PPIL4: variants seen among roughly 807,000 people sequenced by gnomAD.
PPIL4 encodes the protein peptidyl-prolyl cis-trans isomerase-like 4.
A neutral mutation model predicts 69.1 loss-of-function variants in PPIL4; 50 were observed. The ratio of observed to expected loss-of-function variants is 0.72; its 90% CI spans 0.58 to 0.92. The LOEUF (loss-of-function observed/expected upper bound fraction) is 0.92. PPIL4 is among the 40% of genes least tolerant of loss of function. The pLI is 0.00. For missense variants in PPIL4, 480 were observed against 587.9 expected (o/e 0.82, Z 1.90); for synonymous variants, 193 against 191.6 (o/e 1.01, Z -0.06).
At chr6:149,525,558 T>C (rs1777093870) in intron 8 of PPIL4, among the ~76,000 whole-genome samples, 1 of 152,218 alleles carries the variant, frequency 6.6e-6, no homozygotes, top group South Asian at 2.1e-4. Flanking sequence ...TATAGTCGAA[T>C]TATAGAATAT....
At chr6:149,525,299 C>A in intron 8 of PPIL4, 90 bp from the exon 9 acceptor site, 1 of 651,398 alleles carries the variant, frequency 1.5e-6, no homozygotes, top group South Asian at 2.0e-5. Flanking sequence ...AGAAATAAGT[C>A]AGTTACTACA....
intron 12 of PPIL4, among the ~76,000 whole-genome samples, chr6:149,511,410 T>C (rs1776839771): frequency 6.6e-6 from 1 of 151,570 alleles, no homozygotes; most frequent in Admixed American, 6.6e-5. Context: ...TGTGTGTGTG[T>C]GTGTGTGTGT....
rs1776758730 is a variant in PPIL4, at chr6:149,505,610, C to T, written c.1322G>A (p.Arg441Gln). 1.9e-6 allele frequency: 3 copies of T among 1,614,148 alleles called. No individual in the cohort carries two copies. Among genetic ancestry groups the T allele is most frequent in the South Asian group, 2.2e-5 (2 of 91,080 alleles). Reference protein sequence around the residue: ...KSEKRDRTQNRSRSRSRERDG... With the variant: ...KSEKRDRTQNQSRSRSRERDG... ...CCTCTCTCGAGATCGGCTACGACTTCGGTTCTGAGTTCGGTCTCTCTTTTC... is the reference window on the plus strand; with the variant it reads ...CCTCTCTCGAGATCGGCTACGACTTTGGTTCTGAGTTCGGTCTCTCTTTTC... Residue 441 changes from arginine to glutamine, a missense_variant, in exon 13 of 13, where the codon CGA becomes CAA. Arg to Gln is a conservative substitution (Grantham distance 43, BLOSUM62 1). Transcript: ENST00000253329.
At chr6:149,516,237 TG>T (rs1776941991) in intron 11 of PPIL4, among the ~76,000 whole-genome samples, 1 of 152,242 alleles carries the variant, frequency 6.6e-6, no homozygotes, top group Non-Finnish European at 1.5e-5. Flanking sequence ...TTCAATCATA[TG>T]CCCTTGAATG....
In PPIL4 at chr6:149,505,248, AAAATT is replaced by A. The variant is rs1776750776; in HGVS notation, c.*200_*204del. On this transcript the variant is annotated 3_prime_UTR_variant, in exon 13 of 13. Coordinates refer to ENST00000253329, the MANE Select transcript of PPIL4 (RefSeq NM_139126.4). Reference sequence around the variant, plus strand: ...AAGACTACCATTTATGTATAACAATAAAATTAGTGTAAAAAAGTATACAAAGAAAA... The same window carrying A: ...AAGACTACCATTTATGTATAACAATAAGTGTAAAAAAGTATACAAAGAAAA... 9 of 470,080 alleles carry A rather than the reference AAAATT, an allele frequency of 1.9e-5. No homozygotes were observed. Among genetic ancestry groups the A allele is most frequent in the Middle Eastern group, 5.8e-4 (1 of 1,712 alleles). The allele number at this position is 470,080 out of a possible 1,614,324, so 29.1% of individuals were successfully genotyped here.
chr6:149,516,817 A>G (rs1776950991), intron 11 of PPIL4: 1 of 152,274 alleles, frequency 6.6e-6, no homozygotes, highest in African/African-American at 2.4e-5. Flanking sequence ...ACATTGTAAC[A>G]GAGAACAATA....
chr6:149,527,657 G>C (rs1046308392), intron 7 of PPIL4, among the ~76,000 whole-genome samples: 2 of 152,272 alleles, frequency 1.3e-5, no homozygotes, highest in Admixed American at 6.5e-5. Flanking sequence ...CTCCTCATCA[G>C]AGACAACAAA....
intron 11 of PPIL4, among the ~76,000 whole-genome samples, chr6:149,514,857 A>C (rs1776917185): frequency 6.7e-6 from 1 of 150,000 alleles, no homozygotes; most frequent in African/African-American, 2.5e-5. Context: ...TTTTTTTGAG[A>C]CGGAGTTTCA....
chr6:149,535,844 T>C, intron 4 of PPIL4, 106 bp from the exon 5 acceptor site: 1 of 710,320 alleles, frequency 1.4e-6, no homozygotes, highest in Admixed American at 2.8e-5. Flanking sequence ...AGTCCACATT[T>C]ACTGCACCAA....
chr6:149,516,531 A>G (rs1776947022), intron 11 of PPIL4, among the ~76,000 whole-genome samples: 1 of 152,206 alleles, frequency 6.6e-6, no homozygotes, highest in South Asian at 2.1e-4. Context: ...GACACCATTT[A>G]CCAGAAAGAA....
At chr6:149,506,207 G>A (rs902068457) in intron 12 of PPIL4, among the ~76,000 whole-genome samples, 31 of 152,162 alleles carry the variant, frequency 2.0e-4, no homozygotes, top group African/African-American at 7.2e-4. Context: ...GGCTGGATGC[G>A]GTGGCTCACG....
chr6:149,516,194 G>A (rs949094623), intron 11 of PPIL4, among the ~76,000 whole-genome samples: 1 of 152,162 alleles, frequency 6.6e-6, no homozygotes, highest in Non-Finnish European at 1.5e-5. Context: ...AATATCAAAT[G>A]TATTCCATTC....
intron 7 of PPIL4, among the ~76,000 whole-genome samples, chr6:149,530,401 C>T (rs1777178098): frequency 6.6e-6 from 1 of 150,734 alleles, no homozygotes; most frequent in South Asian, 2.1e-4. Context: ...TGGCTCACAC[C>T]TGTAATCCCA....
At chr6:149,539,239 G>T (rs1387321769) in intron 4 of PPIL4, among the ~76,000 whole-genome samples, 1 of 152,160 alleles carries the variant, frequency 6.6e-6, no homozygotes, top group African/African-American at 2.4e-5. Context: ...ACATAAACTT[G>T]GCTGATACAG....
intron 9 of PPIL4, among the ~76,000 whole-genome samples, chr6:149,524,725 C>A (rs1332091056): frequency 6.6e-6 from 1 of 152,046 alleles, no homozygotes; most frequent in Non-Finnish European, 1.5e-5. Flanking sequence ...TATGGTGAAA[C>A]CCTGTCTCTA....
rs530502202 is a variant in PPIL4, at chr6:149,529,783, G to T, written c.679-3007C>A. ...GTCTCAAAAAAAAAAAAAAAAGGAGGGAAAGAAAAGAAAGAAAAAGAAAAA... is the reference window on the plus strand; with the variant it reads ...GTCTCAAAAAAAAAAAAAAAAGGAGTGAAAGAAAAGAAAGAAAAAGAAAAA... On this transcript the variant is annotated intron_variant, in intron 7 of 12. Coordinates refer to ENST00000253329, the MANE Select transcript of PPIL4 (RefSeq NM_139126.4). Among the ~76,000 whole-genome samples, 3 of 148,238 alleles carry T rather than the reference G, an allele frequency of 2.0e-5. 1 individual carries two copies. In the South Asian group the frequency reaches 6.4e-4, roughly 32 times the overall value.
At chr6:149,543,483 TA>T (rs1448496811) in intron 1 of PPIL4, among the ~76,000 whole-genome samples, 1 of 152,230 alleles carries the variant, frequency 6.6e-6, no homozygotes, top group Non-Finnish European at 1.5e-5. Flanking sequence ...TAAATCACCA[TA>T]TTTTTTAGAA....
chr6:149,530,103 G>A lies in PPIL4; in HGVS notation c.679-3327C>T, dbSNP rs371341440. 1.2e-4 allele frequency among the ~76,000 whole-genome samples: 18 copies of A among 152,202 alleles called. No homozygotes were observed. In the East Asian group the frequency reaches 1.3e-3, roughly 11 times the overall value. Reference sequence around the variant, plus strand: ...CTATCGTACATTTGTCAGTTCCACCGAATGTACAACACAAAGCTTGAATTC... The same window carrying A: ...CTATCGTACATTTGTCAGTTCCACCAAATGTACAACACAAAGCTTGAATTC... On this transcript the variant is annotated intron_variant, in intron 7 of 12. Coordinates refer to ENST00000253329, the MANE Select transcript of PPIL4 (RefSeq NM_139126.4).
Position 149,534,709 on chromosome 6 carries a change from C to A in PPIL4, c.530G>T (p.Arg177Leu). The A allele has an allele frequency of 6.3e-7, 1 of 1,590,566 alleles. No individual in the cohort carries two copies. Among genetic ancestry groups the A allele is most frequent in the Non-Finnish European group, 8.6e-7 (1 of 1,162,974 alleles). Residue 177 changes from arginine (R) to leucine (L), a missense_variant, in exon 6 of 13, where the codon CGA becomes CTA. Coordinates refer to ENST00000253329, the MANE Select transcript of PPIL4 (RefSeq NM_139126.4). ...DDPPDLLIPD[R>L]SPEPTREQLD... ...TTGTTCCCTTGTAGGTTCTGGTGAT[C>A]GATCAGGGATTAATAAATCAGGAGG...
Sources: allele counts gnomAD v4.1 joint callset (sites outside exome capture counted in the v4.1 genomes callset), GRCh38; gene constraint gnomAD v4.1.1; transcripts MANE v1.5; gene names NCBI Gene and HGNC (gene_info 2026-07-23, HGNC 2026-07-21).